The following ADAMTSL3 variants were observed in gnomAD, a reference collection of about 807,000 sequenced individuals.
The protein encoded by ADAMTSL3 is ADAMTS like 3.
Under a neutral mutation model 201.7 loss-of-function variants are expected in ADAMTSL3, and 128 were observed. The observed-to-expected ratio is 0.63, with a 90% CI of 0.55 to 0.73. ADAMTSL3 has a LOEUF of 0.73. ADAMTSL3 is among the 30% of genes least tolerant of loss of function. The pLI, the probability that ADAMTSL3 is intolerant of heterozygous loss-of-function variation, is 0.00. For missense variants in ADAMTSL3, 1,990 were observed against 2,119.6 expected (o/e 0.94, Z 1.20); for synonymous variants, 738 against 748.4 (o/e 0.99, Z 0.23).
At chr15:83,884,960 C>A in intron 9 of ADAMTSL3, 141 bp from the exon 10 acceptor site, 1 of 594,296 alleles carries the variant, frequency 1.7e-6, no homozygotes, top group Non-Finnish European at 3.0e-6. Context: ...ACATCTTAAA[C>A]TTATTGGACT....
intron 6 of ADAMTSL3, among the ~76,000 whole-genome samples, chr15:83,826,368 C>CT (rs2064022040): frequency 6.6e-6 from 1 of 151,820 alleles, no homozygotes; most frequent in South Asian, 2.1e-4. Flanking sequence ...AGCAACTTTC[C>CT]TACCTTGGCC....
chr15:83,691,761 C>G (rs995761317), intron 2 of ADAMTSL3, among the ~76,000 whole-genome samples: 13 of 152,076 alleles, frequency 8.5e-5, no homozygotes, highest in Non-Finnish European at 5.9e-5. Context: ...ATTACAGGCG[C>G]CTGCCACCAT....
chr15:83,737,248 A>G (rs1272206414), intron 3 of ADAMTSL3, among the ~76,000 whole-genome samples: 2 of 152,144 alleles, frequency 1.3e-5, no homozygotes, highest in African/African-American at 2.4e-5. Context: ...ATTCTAAGAT[A>G]TATCTAGGAG....
chr15:83,873,608 G>A (rs11259925), intron 9 of ADAMTSL3, among the ~76,000 whole-genome samples: 124,685 of 143,632 alleles, frequency 0.87, 56,089 homozygotes, highest in African/African-American at 0.96. Flanking sequence ...TGAACTCCTG[G>A]GCTCAAGCAA....
At chr15:83,750,689 C>G (rs888192346) in intron 3 of ADAMTSL3, among the ~76,000 whole-genome samples, 6 of 152,030 alleles carry the variant, frequency 3.9e-5, no homozygotes, top group Non-Finnish European at 7.4e-5. Context: ...ATAGCTGGGA[C>G]TACAGGCACG....
chr15:83,807,332 C>T (rs749355372), intron 5 of ADAMTSL3, among the ~76,000 whole-genome samples: 1 of 151,630 alleles, frequency 6.6e-6, no homozygotes, highest in African/African-American at 2.4e-5. Flanking sequence ...GGTGGGCAAT[C>T]GTAATCCCAG....
At position 83,747,780 on chromosome 15, in the gene ADAMTSL3, C is replaced by G. The variant is rs1372258347; in HGVS notation, c.190-25743C>G. Among the ~76,000 whole-genome samples, 6 of 151,944 alleles carry G rather than the reference C, an allele frequency of 3.9e-5. No homozygotes were observed. The East Asian group carries it at 1.2e-3, about 29-fold the overall frequency. ...ACCGATGTCTCCCAAACATCCATTG[C>G]TCTCTGTGAGAAAGAAACAAAAGGA... On this transcript the variant is annotated intron_variant, in intron 3 of 29. Coordinates refer to ENST00000286744, the MANE Select transcript of ADAMTSL3 (RefSeq NM_207517.3).
chr15:83,724,349 C>T (rs2062142681), intron 3 of ADAMTSL3, among the ~76,000 whole-genome samples: 1 of 152,064 alleles, frequency 6.6e-6, no homozygotes, highest in Non-Finnish European at 1.5e-5. Flanking sequence ...CTGCCTGCCT[C>T]AGCCTTCCAA....
chr15:84,007,478 C>A (rs1426298372), intron 23 of ADAMTSL3, among the ~76,000 whole-genome samples: 1 of 152,106 alleles, frequency 6.6e-6, no homozygotes, highest in Non-Finnish European at 1.5e-5. Context: ...TCCCTGGAGC[C>A]CAGAAGTTTG....
chr15:83,889,495 A>G lies in ADAMTSL3; in HGVS notation c.1073-614A>G, dbSNP rs192258236. Among the ~76,000 whole-genome samples the G allele has an allele frequency of 3.8e-3, 572 of 152,338 alleles. 4 individuals are homozygous for G. The highest frequency in any genetic ancestry group is 0.013 in the African/African-American group (547 of 41,570). ...GGAACAAGATTTAAAACACATTATCATTTATTAAGTTAAAAACAGATACAC... is the reference window on the plus strand; with the variant it reads ...GGAACAAGATTTAAAACACATTATCGTTTATTAAGTTAAAAACAGATACAC... On this transcript the variant is annotated intron_variant, in intron 10 of 29. Coordinates refer to ENST00000286744, the MANE Select transcript of ADAMTSL3 (RefSeq NM_207517.3).
intron 3 of ADAMTSL3, among the ~76,000 whole-genome samples, chr15:83,770,799 G>A (rs1408219999): frequency 6.6e-6 from 1 of 152,178 alleles, no homozygotes; most frequent in Admixed American, 6.5e-5. Flanking sequence ...GCCGGGCATG[G>A]TGGCTCATGC....
chr15:83,816,283 G>C (rs1409022642), intron 5 of ADAMTSL3, among the ~76,000 whole-genome samples: 1 of 152,166 alleles, frequency 6.6e-6, no homozygotes, highest in African/African-American at 2.4e-5. Context: ...CTTAGCTCCA[G>C]CTCTTTTGTT....
chr15:83,988,617 T>G (rs1228314731), intron 21 of ADAMTSL3, 74 bp from the exon 22 acceptor site: 1 of 1,329,446 alleles, frequency 7.5e-7, no homozygotes, highest in Non-Finnish European at 1.0e-6. Flanking sequence ...CAGTCTTCTT[T>G]CTCTGCAACT....
intron 23 of ADAMTSL3, among the ~76,000 whole-genome samples, chr15:83,999,790 A>G (rs1052910590): frequency 4.6e-5 from 7 of 152,156 alleles, no homozygotes; most frequent in African/African-American, 7.2e-5. Context: ...GATTTTTTTT[A>G]AGGGATAAAA....
At chr15:83,692,288 ATT>A (rs59053726) in intron 2 of ADAMTSL3, among the ~76,000 whole-genome samples, 2 of 149,716 alleles carry the variant, frequency 1.3e-5, no homozygotes, top group Admixed American at 6.7e-5. Context: ...ACCCCCAAGG[ATT>A]TTTTTTTTGT....
At chr15:83,697,910 C>T (rs1223525956) in intron 2 of ADAMTSL3, among the ~76,000 whole-genome samples, 1 of 152,102 alleles carries the variant, frequency 6.6e-6, no homozygotes, top group Non-Finnish European at 1.5e-5. Context: ...AACCAGCCCC[C>T]ATCCTGAGGC....
intron 23 of ADAMTSL3, among the ~76,000 whole-genome samples, chr15:84,005,432 C>T (rs925309904): frequency 2.0e-5 from 3 of 152,166 alleles, no homozygotes; most frequent in African/African-American, 7.2e-5. Context: ...TAGTTTACAC[C>T]ACTTGCATAG....
chr15:83,920,436 A>C (rs186595238), intron 16 of ADAMTSL3, among the ~76,000 whole-genome samples: 1 of 152,312 alleles, frequency 6.6e-6, no homozygotes, highest in Admixed American at 6.5e-5. Flanking sequence ...GGTTCCTAAA[A>C]AGAACTCACC....
At chr15:83,902,366 G>T (rs2065743784) in intron 15 of ADAMTSL3, among the ~76,000 whole-genome samples, 1 of 152,122 alleles carries the variant, frequency 6.6e-6, no homozygotes, top group East Asian at 1.9e-4. Flanking sequence ...CGCCTTCCGG[G>T]TTCAAGCGAT....
Sources: gnomAD v4.1 joint callset for allele counts (sites outside exome capture counted in the v4.1 genomes callset) on GRCh38, gnomAD v4.1.1 for gene constraint, MANE v1.5 for transcripts, NCBI Gene and HGNC (gene_info 2026-07-23, HGNC 2026-07-21) for gene names.